Variants in VIPR1 observed in about 807,000 individuals in gnomAD.
The protein encoded by VIPR1 is vasoactive intestinal peptide receptor 1, also known as vasoactive intestinal polypeptide receptor 1.
In VIPR1, 59 loss-of-function variants were observed where a neutral mutation model predicts 58.8. The ratio of observed to expected loss-of-function variants is 1.00; its 90% CI spans 0.81 to 1.25. The LOEUF (loss-of-function observed/expected upper bound fraction) is 1.25. Among genes scored for constraint, VIPR1 ranks in the 50% most tolerant of loss-of-function variants. The pLI is 0.00. For missense variants in VIPR1, 626 were observed against 602.7 expected (o/e 1.04, Z -0.40); for synonymous variants, 251 against 242.1 (o/e 1.04, Z -0.34).
At chr3:42,530,006 T>A (rs1427742473) in intron 6 of VIPR1, 1 of 152,234 alleles carries the variant, frequency 6.6e-6, no homozygotes, top group Non-Finnish European at 1.5e-5. Flanking sequence ...CCAGTCTCCC[T>A]CCACACTTCC....
At position 42,502,701 on chromosome 3, in the gene VIPR1, G is replaced by T; in HGVS notation, c.-35G>T. ...TGCGCCGCCCGCCAGCTCTTTGCCC[G>T]CGCGGGGCCGCCCGCCGCGGGCTCA... On this transcript the variant is annotated 5_prime_UTR_variant, in exon 1 of 13. Coordinates refer to ENST00000325123, the MANE Select transcript of VIPR1 (RefSeq NM_004624.4). The T allele has an allele frequency of 5.5e-6, 7 of 1,276,794 alleles. No individual in the cohort carries two copies. In the South Asian group the frequency reaches 1.8e-4, roughly 33 times the overall value. The allele number at this position is 1,276,794 out of a possible 1,614,324, so 79.1% of individuals were successfully genotyped here. A position where few individuals can be genotyped will look rare whatever the true frequency, so the allele number is the denominator to read the frequency against.
intron 1 of VIPR1, among the ~76,000 whole-genome samples, chr3:42,494,533 A>G (rs150766504): frequency 6.6e-4 from 100 of 152,334 alleles, no homozygotes; most frequent in African/African-American, 2.3e-3. Flanking sequence ...GTTCAAATAT[A>G]TTGGCATTAA....
chr3:42,505,614 C>A (rs1331346835), intron 1 of VIPR1, among the ~76,000 whole-genome samples: 1 of 152,226 alleles, frequency 6.6e-6, no homozygotes, highest in Admixed American at 6.5e-5. Context: ...TCCCAGGGTA[C>A]CATGCTGGAA....
At chr3:42,517,597 G>T (rs1035270128) in intron 2 of VIPR1, among the ~76,000 whole-genome samples, 4 of 152,208 alleles carry the variant, frequency 2.6e-5, no homozygotes, top group African/African-American at 9.7e-5. Context: ...ACAATGCAGG[G>T]TTTTCGCTGC....
Position 42,537,326 on chromosome 3 carries a change from T to C in VIPR1, c.*1045T>C, listed in dbSNP as rs1223659211. 6.6e-6 allele frequency: 1 copy of C among 152,190 alleles called. No homozygotes were observed. The highest frequency in any genetic ancestry group is 1.5e-5 in the Non-Finnish European group (1 of 68,036). 9.4% of individuals were successfully genotyped at this position (152,190 alleles called of 1,614,324 possible). ...ATCGTAACCAGCCAGATCCTCTTGG[T>C]TATTTGTTTACCACTTGTATTATTA... On this transcript the variant is annotated 3_prime_UTR_variant, in exon 13 of 13. Transcript: ENST00000325123.
chr3:42,535,775 C>A (rs1464619990), intron 12 of VIPR1, among the ~76,000 whole-genome samples: 4 of 151,994 alleles, frequency 2.6e-5, no homozygotes, highest in Non-Finnish European at 5.9e-5. Flanking sequence ...CACAAAAAAC[C>A]CACTCAAGTG....
Position 42,536,367 on chromosome 3 carries a change from G to T in VIPR1, c.*86G>T, listed in dbSNP as rs1343171953. 1.4e-6 allele frequency: 2 copies of T among 1,393,384 alleles called. No homozygotes were observed. The highest frequency in any genetic ancestry group is 3.0e-5 in the African/African-American group (2 of 66,828). The allele number at this position is 1,393,384 out of a possible 1,614,324, so 86.3% of individuals were successfully genotyped here. On this transcript the variant is annotated 3_prime_UTR_variant, in exon 13 of 13. Transcript: ENST00000325123. The stretch of plus-strand genomic sequence containing the variant: ...ACGCCGGGGACAGAGGCCTGCCCGG[G>T]CGCGGCCAGCCCCGGCCCTGGGCTC...
intron 10 of VIPR1, chr3:42,534,692 A>T (rs578028570): frequency 1.1e-4 from 31 of 279,596 alleles, no homozygotes; most frequent in Non-Finnish European, 1.9e-4. Context: ...CCTCTCCTTT[A>T]CCTCTTACCC....
chr3:42,509,014 T>C (rs578017003), intron 1 of VIPR1: 23 of 152,218 alleles, frequency 1.5e-4, no homozygotes, highest in African/African-American at 5.3e-4. Flanking sequence ...AGAGGGTAAA[T>C]GAAACCACTC....
At chr3:42,513,043 T>G in intron 1 of VIPR1, 3 of 882,066 alleles carry the variant, frequency 3.4e-6, no homozygotes, top group Non-Finnish European at 4.1e-6. Context: ...TTTCCATCCC[T>G]TCTCTTCACC....
At chr3:42,527,583 C>A in intron 5 of VIPR1, 87 bp downstream of exon 5, 2 of 1,272,970 alleles carry the variant, frequency 1.6e-6, no homozygotes, top group East Asian at 2.4e-5. Context: ...CAGGCGTGCC[C>A]CGACCCCTCC....
At chr3:42,507,390 C>T (rs1700165295) in intron 1 of VIPR1, 1 of 152,246 alleles carries the variant, frequency 6.6e-6, no homozygotes, top group Admixed American at 6.5e-5. Context: ...CTCATGCGGC[C>T]CATTATCTCT....
intron 3 of VIPR1, chr3:42,521,714 A>T (rs1285783807): frequency 6.6e-6 from 1 of 152,196 alleles, no homozygotes; most frequent in African/African-American, 2.4e-5. Flanking sequence ...TCATTAAGAC[A>T]TCAAAATGTT....
intron 2 of VIPR1, among the ~76,000 whole-genome samples, chr3:42,514,896 C>G (rs890787873): frequency 6.6e-6 from 1 of 152,196 alleles, no homozygotes; most frequent in Non-Finnish European, 1.5e-5. Context: ...CCACTTGAAC[C>G]AGACTTGGAG....
At chr3:42,532,055 C>A in intron 9 of VIPR1, 186 bp downstream of exon 9, 2 of 891,944 alleles carry the variant, frequency 2.2e-6, no homozygotes, top group Non-Finnish European at 3.5e-6. Context: ...ATTGGGAGCA[C>A]AGTCCTTAGG....
intron 6 of VIPR1, chr3:42,528,764 G>C (rs1198898513): frequency 6.6e-6 from 1 of 152,456 alleles, no homozygotes; most frequent in Non-Finnish European, 1.5e-5. Flanking sequence ...CCCAAGCTTT[G>C]ACAGAGAGCT....
At chr3:42,525,688 T>G (rs1047326575) in intron 3 of VIPR1, among the ~76,000 whole-genome samples, 199 bp from the exon 4 acceptor site, 3 of 152,180 alleles carry the variant, frequency 2.0e-5, no homozygotes, top group African/African-American at 7.2e-5. Flanking sequence ...CTATCATCGG[T>G]GCGGGAGCCC....
chr3:42,523,760 G>T (rs1034608386), intron 3 of VIPR1, among the ~76,000 whole-genome samples: 1 of 152,160 alleles, frequency 6.6e-6, no homozygotes, highest in African/African-American at 2.4e-5. Flanking sequence ...CCTCTGGTGA[G>T]TAGGGAGCCC....
rs917485921 is a variant in VIPR1 at position 42,503,520 on chromosome 3, G to A, written c.78+707G>A. The stretch of plus-strand genomic sequence containing the variant: ...CCTCCCACTTCTGCTTCCTCTCAAC[G>A]TGGGTATGTGTATGCCCTTGATACA... On this transcript the variant is annotated intron_variant, in intron 1 of 12. Coordinates refer to ENST00000325123, the MANE Select transcript of VIPR1 (RefSeq NM_004624.4). Among the ~76,000 whole-genome samples, 3 of 152,142 alleles carry A rather than the reference G, an allele frequency of 2.0e-5. No individual in the cohort carries two copies. In the East Asian group the frequency reaches 5.8e-4, roughly 29 times the overall value.
Sources: gnomAD v4.1 joint callset for allele counts (sites outside exome capture counted in the v4.1 genomes callset) on GRCh38, gnomAD v4.1.1 for gene constraint, MANE v1.5 for transcripts, NCBI Gene and HGNC (gene_info 2026-07-23, HGNC 2026-07-21) for gene names.